The following KCNQ3 variants were observed in gnomAD, a reference collection of about 807,000 sequenced individuals.
KCNQ3 encodes the protein potassium voltage-gated channel subfamily Q member 3.
A neutral mutation model predicts 92.5 loss-of-function variants in KCNQ3; 30 were observed. The observed-to-expected ratio is 0.32, with a 90% CI of 0.24 to 0.44. The LOEUF (loss-of-function observed/expected upper bound fraction) is 0.44, where lower values mean the gene tolerates loss of function less well. KCNQ3 is among the 20% of genes least tolerant of loss of function. The pLI, the probability that KCNQ3 is intolerant of heterozygous loss-of-function variation, is 1.00. For missense variants in KCNQ3, 913 were observed against 1,140.3 expected (o/e 0.80, Z 2.87); for synonymous variants, 450 against 468.8 (o/e 0.96, Z 0.52).
chr8:132,247,235 G>A (rs1424069862), intron 1 of KCNQ3, among the ~76,000 whole-genome samples: 1 of 152,146 alleles, frequency 6.6e-6, no homozygotes, highest in Non-Finnish European at 1.5e-5. Context: ...TAATGTCTAT[G>A]CATTTTCTCT....
rs184708824 is a variant in KCNQ3, at chr8:132,210,507, A to G, written c.387-24326T>C. 4.6e-5 allele frequency among the ~76,000 whole-genome samples: 7 copies of G among 152,280 alleles called. 1 individual carries two copies. The highest frequency in any genetic ancestry group is 1.7e-4 in the African/African-American group (7 of 41,532). ...ACATTTTTACACTGTGTAACAAATT[A>G]CCCCGAACATGGCAGTTAAAACAAC... On this transcript the variant is annotated intron_variant, in intron 1 of 14. Coordinates refer to ENST00000388996, the MANE Select transcript of KCNQ3 (RefSeq NM_004519.4).
intron 1 of KCNQ3, among the ~76,000 whole-genome samples, chr8:132,254,365 TG>T (rs1175488073): frequency 6.6e-6 from 1 of 152,152 alleles, no homozygotes; most frequent in Non-Finnish European, 1.5e-5. Context: ...AAATACTGCT[TG>T]CATAGACAAA....
rs1824709610 is a variant in KCNQ3, at chr8:132,127,463, T to A, written c.*1799A>T. The A allele has an allele frequency of 6.6e-6, 1 of 152,134 alleles. No individual in the cohort carries two copies. Among genetic ancestry groups the A allele is most frequent in the Non-Finnish European group, 1.5e-5 (1 of 68,028 alleles). The allele number at this position is 152,134 out of a possible 1,614,324, so 9.4% of individuals were successfully genotyped here. ...TGACATGTGAGTTGAAAGGAACCTATCTCTGAGGAAGTGATTCCTCTCTCC... is the reference window on the plus strand; with the variant it reads ...TGACATGTGAGTTGAAAGGAACCTAACTCTGAGGAAGTGATTCCTCTCTCC... On this transcript the variant is annotated 3_prime_UTR_variant, in exon 15 of 15. Transcript: ENST00000388996.
At chr8:132,227,306 C>T (rs1428796951) in intron 1 of KCNQ3, among the ~76,000 whole-genome samples, 9 of 152,000 alleles carry the variant, frequency 5.9e-5, no homozygotes, top group South Asian at 4.2e-4. Context: ...ATGATCTTCC[C>T]GCCTCGGCCT....
chr8:132,337,477 C>T (rs1818396981), intron 1 of KCNQ3, among the ~76,000 whole-genome samples: 1 of 152,048 alleles, frequency 6.6e-6, no homozygotes, highest in Non-Finnish European at 1.5e-5. Flanking sequence ...GTACTCCAGC[C>T]TGGGCGACAG....
At chr8:132,279,844 G>T (rs1405139841) in intron 1 of KCNQ3, among the ~76,000 whole-genome samples, 1 of 134,954 alleles carries the variant, frequency 7.4e-6, no homozygotes, top group African/African-American at 2.5e-5. Context: ...GCGTGTATGT[G>T]TATATATGCG....
chr8:132,336,662 T>C (rs998095199), intron 1 of KCNQ3, among the ~76,000 whole-genome samples: 2 of 152,218 alleles, frequency 1.3e-5, no homozygotes, highest in African/African-American at 4.8e-5. Flanking sequence ...TGCAGTGTCA[T>C]ATAGTTCTTC....
At chr8:132,469,935 C>T (rs1256181014) in intron 1 of KCNQ3, among the ~76,000 whole-genome samples, 1 of 151,920 alleles carries the variant, frequency 6.6e-6, no homozygotes, top group Non-Finnish European at 1.5e-5. Context: ...CGTCTCATCC[C>T]TGGCTGCTTA....
intron 1 of KCNQ3, among the ~76,000 whole-genome samples, chr8:132,444,870 T>C (rs532678322): frequency 2.3e-4 from 35 of 152,324 alleles, no homozygotes; most frequent in African/African-American, 8.4e-4. Context: ...CCTGCTCACT[T>C]CACCTGATTA....
chr8:132,303,568 A>T (rs1234523029), intron 1 of KCNQ3, among the ~76,000 whole-genome samples: 1 of 62,394 alleles, frequency 1.6e-5, no homozygotes, highest in African/African-American at 6.1e-5. Context: ...AAAATGTGAT[A>T]TATATATATA....
chr8:132,301,474 A>G (rs1021426274), intron 1 of KCNQ3, among the ~76,000 whole-genome samples: 2 of 152,120 alleles, frequency 1.3e-5, no homozygotes, highest in African/African-American at 4.8e-5. Flanking sequence ...TGCAGTCCTT[A>G]CTGTGCACTT....
At chr8:132,411,526 C>A (rs1820652041) in intron 1 of KCNQ3, among the ~76,000 whole-genome samples, 1 of 152,094 alleles carries the variant, frequency 6.6e-6, no homozygotes, top group Admixed American at 6.5e-5. Context: ...AACACAGAAG[C>A]AGGACAGGTG....
chr8:132,215,232 G>T (rs1813991582), intron 1 of KCNQ3, among the ~76,000 whole-genome samples: 1 of 152,156 alleles, frequency 6.6e-6, no homozygotes, highest in African/African-American at 2.4e-5. Context: ...TGAAAAATGG[G>T]ATTAATAACA....
At chr8:132,169,845 ATT>A (rs112229112) in intron 8 of KCNQ3, among the ~76,000 whole-genome samples, 1 of 150,600 alleles carries the variant, frequency 6.6e-6, no homozygotes, top group African/African-American at 2.4e-5. Flanking sequence ...TAGGCATCAG[ATT>A]TTTTTTTTCT....
chr8:132,178,315 A>G (rs970593150), intron 4 of KCNQ3, among the ~76,000 whole-genome samples: 1 of 152,260 alleles, frequency 6.6e-6, no homozygotes, highest in Non-Finnish European at 1.5e-5. Context: ...TTCTGCAGCC[A>G]GAAGTAGCAC....
chr8:132,462,686 C>T (rs1196780277), intron 1 of KCNQ3, among the ~76,000 whole-genome samples: 2 of 152,146 alleles, frequency 1.3e-5, no homozygotes, highest in East Asian at 3.8e-4. Context: ...AAGTCAGATA[C>T]TTTTACTGAG....
intron 1 of KCNQ3, among the ~76,000 whole-genome samples, chr8:132,365,216 G>T (rs1232281015): frequency 6.6e-6 from 1 of 152,234 alleles, no homozygotes; most frequent in African/African-American, 2.4e-5. Flanking sequence ...AATGAACAAA[G>T]GTTAAACCTA....
intron 1 of KCNQ3, among the ~76,000 whole-genome samples, chr8:132,290,069 A>T (rs1816797063): frequency 6.6e-6 from 1 of 152,188 alleles, no homozygotes; most frequent in Non-Finnish European, 1.5e-5. Flanking sequence ...ATATCCACTA[A>T]TGTAGAGGCC....
chr8:132,143,329 G>T (rs1373890961), intron 9 of KCNQ3, among the ~76,000 whole-genome samples: 2 of 152,120 alleles, frequency 1.3e-5, no homozygotes, highest in Non-Finnish European at 2.9e-5. Flanking sequence ...CAGGAACTGA[G>T]CTGAACACAC....
Sources: allele counts gnomAD v4.1 joint callset (sites outside exome capture counted in the v4.1 genomes callset), GRCh38; gene constraint gnomAD v4.1.1; transcripts MANE v1.5; gene names NCBI Gene and HGNC (gene_info 2026-07-23, HGNC 2026-07-21).